Variants in TRIM51G observed in about 807,000 individuals in gnomAD.
TRIM51G encodes the protein tripartite motif-containing 51G.
At chr11:48,982,515 A>C in the TRIM51G span, among the ~76,000 whole-genome samples, 7 of 152,080 alleles carry the variant, frequency 4.6e-5, no homozygotes, top group Non-Finnish European at 8.8e-5. Flanking sequence ...AGTGGGGAAC[A>C]GCAACCCTCA....
At chr11:48,982,433 G>A in the TRIM51G span, among the ~76,000 whole-genome samples, 1 of 152,138 alleles carries the variant, frequency 6.6e-6, no homozygotes, top group African/African-American at 2.4e-5. Context: ...AATACATGGA[G>A]AATTGGTATA....
chr11:48,977,870 C>T, the TRIM51G span, among the ~76,000 whole-genome samples: 1 of 149,130 alleles, frequency 6.7e-6, no homozygotes, highest in Non-Finnish European at 1.5e-5. Context: ...TTATTTCTTT[C>T]ATTTATTTAT....
At chr11:48,978,133 C>A in the TRIM51G span, 1 of 524,528 alleles carries the variant, frequency 1.9e-6, no homozygotes. Flanking sequence ...TTGGTATGTA[C>A]TCACCTTTGT....
the TRIM51G span, among the ~76,000 whole-genome samples, chr11:48,977,362 G>A: frequency 6.6e-6 from 1 of 152,122 alleles, no homozygotes; most frequent in Non-Finnish European, 1.5e-5. Flanking sequence ...CAAGCACGAT[G>A]GAAAAGTCTA....
At chr11:48,975,873 A>G in the TRIM51G span, 45 of 891,662 alleles carry the variant, frequency 5.0e-5, no homozygotes, top group South Asian at 5.8e-4. Flanking sequence ...CCCATTGAAG[A>G]AAACATTCAG....
the TRIM51G span, chr11:48,978,147 A>C: frequency 1.9e-5 from 10 of 529,054 alleles, no homozygotes; most frequent in South Asian, 1.4e-4. Context: ...CCTTTGTAAT[A>C]TGTCTCCAAA....
the TRIM51G span, chr11:48,978,880 G>A: frequency 7.2e-7 from 1 of 1,393,452 alleles, no homozygotes; most frequent in Non-Finnish European, 1.0e-6. Flanking sequence ...ACCTGGAATA[G>A]CTCCACAACT....
chr11:48,981,870 G>A, the TRIM51G span, among the ~76,000 whole-genome samples: 1 of 152,026 alleles, frequency 6.6e-6, no homozygotes, highest in Non-Finnish European at 1.5e-5. Context: ...GAGTCTTAAG[G>A]CTTTATAGCA....
At chr11:48,975,863 C>T in the TRIM51G span, 12 of 965,254 alleles carry the variant, frequency 1.2e-5, no homozygotes, top group South Asian at 1.5e-4. Context: ...AAATCAGCCC[C>T]CCATTGAAGA....
the TRIM51G span, chr11:48,975,503 A>G: frequency 7.2e-7 from 1 of 1,386,554 alleles, no homozygotes; most frequent in Non-Finnish European, 1.0e-6. Context: ...TCTGGTCAGA[A>G]GTGACTACAG....
At chr11:48,978,730 C>G in the TRIM51G span, 1 of 573,746 alleles carries the variant, frequency 1.7e-6, no homozygotes, top group African/African-American at 1.9e-5. Context: ...GCTGTACCCT[C>G]CCAACCAAGT....
the TRIM51G span, chr11:48,981,638 T>A: frequency 6.3e-7 from 1 of 1,599,564 alleles, no homozygotes; most frequent in South Asian, 1.1e-5. Context: ...ATGAAGTAGT[T>A]CATGCAGATG....
chr11:48,982,947 G>GTGTGTGTATATATA, the TRIM51G span, among the ~76,000 whole-genome samples: 14 of 86,136 alleles, frequency 1.6e-4, no homozygotes, highest in Non-Finnish European at 1.8e-4. Flanking sequence ...AGTATTTTTG[G>GTGTGTGTATATATA]TATATATACA....
chr11:48,983,244 T>C, the TRIM51G span, among the ~76,000 whole-genome samples: 1 of 137,022 alleles, frequency 7.3e-6, no homozygotes. Context: ...ATCAAATCAT[T>C]CCTTATACAG....
At chr11:48,981,975 C>T in the TRIM51G span, among the ~76,000 whole-genome samples, 5 of 152,212 alleles carry the variant, frequency 3.3e-5, no homozygotes, top group South Asian at 4.1e-4. Flanking sequence ...CCCTGGATGT[C>T]GATATGAAAC....
chr11:48,980,065 A>G, the TRIM51G span, among the ~76,000 whole-genome samples: 1 of 151,792 alleles, frequency 6.6e-6, no homozygotes, highest in African/African-American at 2.4e-5. Flanking sequence ...CTAACACATC[A>G]TATACATCAC....
the TRIM51G span, chr11:48,979,179 G>C: frequency 1.1e-3 from 682 of 638,684 alleles, 4 homozygotes; most frequent in African/African-American, 9.9e-3. Context: ...TTAGCATTCT[G>C]AACACCCAAT....
chr11:48,975,849 GA>G, the TRIM51G span: 1 of 1,084,650 alleles, frequency 9.2e-7, no homozygotes, highest in Non-Finnish European at 1.4e-6. Context: ...TGCCAGATAT[GA>G]AAAAATCAGC....
chr11:48,981,448 C>G, the TRIM51G span: 1 of 1,607,440 alleles, frequency 6.2e-7, no homozygotes, highest in South Asian at 1.1e-5. Flanking sequence ...AAGGAATTGC[C>G]GGAGGCTGGC....
Sources: gnomAD v4.1 joint callset for allele counts (sites outside exome capture counted in the v4.1 genomes callset) on GRCh38, gnomAD v4.1.1 for gene constraint, MANE v1.5 for transcripts, NCBI Gene and HGNC (gene_info 2026-07-23, HGNC 2026-07-21) for gene names.